NRG3: variants seen among roughly 807,000 people sequenced by gnomAD.
NRG3 encodes the protein pro-neuregulin-3, membrane-bound isoform.
Under a neutral mutation model 66.9 loss-of-function variants are expected in NRG3, and 31 were observed. The observed-to-expected ratio is 0.46, with a 90% CI of 0.35 to 0.63. The LOEUF is 0.63. Among genes scored for constraint, NRG3 ranks in the 20% least tolerant of loss-of-function variants. The pLI, the probability that NRG3 is intolerant of heterozygous loss-of-function variation, is 0.00. For synonymous variants in NRG3, 393 were observed against 359.4 expected (o/e 1.09, Z -1.06); for missense variants, 910 against 878.9 (o/e 1.04, Z -0.45).
At chr10:82,892,254 G>T (rs1302423269) in intron 4 of NRG3, among the ~76,000 whole-genome samples, 1 of 151,864 alleles carries the variant, frequency 6.6e-6, no homozygotes, top group Non-Finnish European at 1.5e-5. Context: ...ACATTTTTAG[G>T]CCTAAAGATG....
intron 2 of NRG3, among the ~76,000 whole-genome samples, chr10:82,408,236 T>C (rs2087777137): frequency 6.6e-6 from 1 of 152,080 alleles, no homozygotes; most frequent in Admixed American, 6.6e-5. Flanking sequence ...GTACTTAAAG[T>C]GGTCAGAGAA....
At chr10:82,565,643 G>A (rs2045353891) in intron 2 of NRG3, among the ~76,000 whole-genome samples, 1 of 152,016 alleles carries the variant, frequency 6.6e-6, no homozygotes, top group Non-Finnish European at 1.5e-5. Context: ...CTCAGGCTTG[G>A]TTGATTGGAG....
chr10:82,311,463 T>C, intron 1 of NRG3, among the ~76,000 whole-genome samples: 1 of 152,186 alleles, frequency 6.6e-6, no homozygotes, highest in Non-Finnish European at 1.5e-5. Flanking sequence ...AATGTTCTCA[T>C]GATTGGTAAA....
At chr10:82,549,957 CAG>C (rs1286945316) in intron 2 of NRG3, among the ~76,000 whole-genome samples, 24 of 152,052 alleles carry the variant, frequency 1.6e-4, no homozygotes, top group Non-Finnish European at 3.5e-4. Flanking sequence ...TTAGAAGAGA[CAG>C]GGGCCAGAGA....
At position 82,985,668 on chromosome 10, in the gene NRG3, A is replaced by G. The variant is rs1853382062; in HGVS notation, c.*63A>G. ...CAACAGGAAAGAGAGGAAATCAAAT[A>G]CAAATTATTTATATGCATTAATTTA... On this transcript the variant is annotated 3_prime_UTR_variant, in exon 9 of 9. Transcript: ENST00000372141. 1.3e-6 allele frequency: 2 copies of G among 1,519,784 alleles called. No individual in the cohort carries two copies. The highest frequency in any genetic ancestry group is 8.8e-7 in the Non-Finnish European group (1 of 1,135,612). 94.1% of individuals were successfully genotyped at this position (1,519,784 alleles called of 1,614,324 possible).
intron 1 of NRG3, among the ~76,000 whole-genome samples, chr10:82,357,798 G>A (rs1031795120): frequency 2.6e-5 from 4 of 151,996 alleles, no homozygotes; most frequent in Admixed American, 1.3e-4. Context: ...AAACAAGAGC[G>A]GTTAATAAGC....
At chr10:81,880,552 C>T (rs971293783) in intron 1 of NRG3, among the ~76,000 whole-genome samples, 2 of 152,172 alleles carry the variant, frequency 1.3e-5, no homozygotes, top group East Asian at 1.9e-4. Context: ...ACCATCTCTC[C>T]TCTCTCTGGA....
chr10:81,919,973 A>T (rs949148211), intron 1 of NRG3, among the ~76,000 whole-genome samples: 1 of 152,224 alleles, frequency 6.6e-6, no homozygotes, highest in African/African-American at 2.4e-5. Context: ...CATCTGACAG[A>T]TACACTAATA....
intron 2 of NRG3, among the ~76,000 whole-genome samples, chr10:82,538,496 C>G (rs185231683): frequency 4.9e-4 from 74 of 152,240 alleles, no homozygotes; most frequent in African/African-American, 1.7e-3. Flanking sequence ...TAATCAGACT[C>G]TAATGCTACA....
intron 1 of NRG3, among the ~76,000 whole-genome samples, chr10:82,006,950 A>G (rs1048419511): frequency 3.3e-5 from 5 of 152,202 alleles, no homozygotes; most frequent in Non-Finnish European, 7.3e-5. Flanking sequence ...AAAAATTGCC[A>G]TCTTCCTTGA....
At chr10:82,521,206 C>T (rs1304700963) in intron 2 of NRG3, among the ~76,000 whole-genome samples, 1 of 151,272 alleles carries the variant, frequency 6.6e-6, no homozygotes, top group East Asian at 2.0e-4. Flanking sequence ...TTAATTAAAA[C>T]ATTTTATTTA....
intron 2 of NRG3, among the ~76,000 whole-genome samples, chr10:82,616,799 A>G (rs1449684229): frequency 1.3e-5 from 2 of 152,308 alleles, no homozygotes; most frequent in African/African-American, 4.8e-5. Flanking sequence ...CCTTTCAGGC[A>G]TAAGGAAAAG....
At chr10:82,582,655 A>AT (rs1459966496) in intron 2 of NRG3, among the ~76,000 whole-genome samples, 3 of 140,160 alleles carry the variant, frequency 2.1e-5, no homozygotes, top group Non-Finnish European at 3.1e-5. Context: ...AAAAATATCT[A>AT]TATGTGTTGT....
chr10:82,109,561 GTGTGTGTGTGTGTGTGTA>G (rs1463822049), intron 1 of NRG3, among the ~76,000 whole-genome samples: 10 of 133,402 alleles, frequency 7.5e-5, no homozygotes, highest in African/African-American at 2.1e-4. Context: ...GTGTGTGTGT[GTGTGTGTGTGTGTGTGTA>G]TATATATATT....
At chr10:82,955,803 G>C (rs776364565) in intron 5 of NRG3, among the ~76,000 whole-genome samples, 3 of 151,918 alleles carry the variant, frequency 2.0e-5, no homozygotes, top group Non-Finnish European at 2.9e-5. Flanking sequence ...TAGTCGCCAA[G>C]TTTGCCAGCA....
chr10:82,456,137 C>CCTTTT (rs771637537), intron 2 of NRG3, among the ~76,000 whole-genome samples: 1 of 88,812 alleles, frequency 1.1e-5, no homozygotes, highest in African/African-American at 3.8e-5. Context: ...TTTTCTGTCA[C>CCTTTT]TTTTTTTTTT....
At chr10:81,940,106 T>G (rs1391637426) in intron 1 of NRG3, among the ~76,000 whole-genome samples, 1 of 152,134 alleles carries the variant, frequency 6.6e-6, no homozygotes, top group Non-Finnish European at 1.5e-5. Context: ...TTTCTAGTTT[T>G]ATTACATTAT....
intron 2 of NRG3, among the ~76,000 whole-genome samples, chr10:82,564,374 T>A (rs2045255389): frequency 6.6e-6 from 1 of 152,172 alleles, no homozygotes; most frequent in African/African-American, 2.4e-5. Flanking sequence ...TTGAATTTAA[T>A]TTTTGCTCAG....
intron 1 of NRG3, among the ~76,000 whole-genome samples, chr10:81,969,432 GCTTT>G (rs1404614889): frequency 1.3e-5 from 2 of 152,146 alleles, no homozygotes; most frequent in Non-Finnish European, 2.9e-5. Context: ...ACCACATCTG[GCTTT>G]CTTACTGGTG....
Sources: gnomAD v4.1 joint callset for allele counts (sites outside exome capture counted in the v4.1 genomes callset) on GRCh38, gnomAD v4.1.1 for gene constraint, MANE v1.5 for transcripts, NCBI Gene and HGNC (gene_info 2026-07-23, HGNC 2026-07-21) for gene names.